The following CNBD1 variants were observed in gnomAD, a reference collection of about 807,000 sequenced individuals.
The protein encoded by CNBD1 is cyclic nucleotide-binding domain-containing protein 1.
CNBD1 carries 71 observed loss-of-function variants against 54.4 expected under a neutral mutation model. The observed-to-expected ratio is 1.30, with a 90% CI of 1.08 to 1.59. The LOEUF (loss-of-function observed/expected upper bound fraction) is 1.59. Ranked by LOEUF, CNBD1 falls within the 40% of genes most tolerant of loss-of-function variation. The probability of loss-of-function intolerance (pLI) is 0.00; values close to 1 mark genes in which losing one functional copy is unlikely to be tolerated. For synonymous variants in CNBD1, 182 were observed against 170.7 expected (o/e 1.07, Z -0.51); for missense variants, 659 against 518.0 (o/e 1.27, Z -2.64).
chr8:86,959,282 T>A (rs926203634), intron 4 of CNBD1, among the ~76,000 whole-genome samples: 1 of 152,220 alleles, frequency 6.6e-6, no homozygotes, highest in Non-Finnish European at 1.5e-5. Flanking sequence ...GCCCTTAACA[T>A]TTTTTCCTTC....
intron 8 of CNBD1, among the ~76,000 whole-genome samples, chr8:87,317,293 C>CTT (rs148624128): frequency 1.3e-5 from 2 of 150,228 alleles, no homozygotes; most frequent in African/African-American, 2.4e-5. Flanking sequence ...TGATTTGAGA[C>CTT]TTTTTTTTTA....
chr8:87,425,987 C>A (rs886198122), intron 2 of CNBD1, among the ~76,000 whole-genome samples: 1 of 152,184 alleles, frequency 6.6e-6, no homozygotes, highest in South Asian at 2.1e-4. Flanking sequence ...TGGGGCAGGA[C>A]CCTCTGAGCC....
intron 4 of CNBD1, among the ~76,000 whole-genome samples, chr8:87,051,014 G>A (rs924859058): frequency 6.6e-6 from 1 of 152,134 alleles, no homozygotes; most frequent in Admixed American, 6.6e-5. Context: ...AGTTAATATT[G>A]GTTTCCACTA....
intron 1 of CNBD1, among the ~76,000 whole-genome samples, chr8:86,873,476 A>G (rs970794647): frequency 1.3e-5 from 2 of 152,064 alleles, no homozygotes; most frequent in African/African-American, 2.4e-5. Context: ...TTCCTACTCA[A>G]TAACTGGTAT....
chr8:87,276,912 G>A (rs1808492265), intron 6 of CNBD1, among the ~76,000 whole-genome samples: 1 of 151,446 alleles, frequency 6.6e-6, no homozygotes, highest in African/African-American at 2.4e-5. Flanking sequence ...AGTCTACCAG[G>A]CAGTCAGGCC....
chr8:87,268,171 T>A (rs1808299172), intron 6 of CNBD1, among the ~76,000 whole-genome samples: 1 of 152,122 alleles, frequency 6.6e-6, no homozygotes, highest in South Asian at 2.1e-4. Flanking sequence ...GTATTCAATG[T>A]TTAGCTCCCA....
intron 6 of CNBD1, among the ~76,000 whole-genome samples, chr8:87,278,238 T>C (rs1808523917): frequency 6.6e-6 from 1 of 151,516 alleles, no homozygotes; most frequent in Non-Finnish European, 1.5e-5. Context: ...AACACAAGGA[T>C]AAATAAGAAA....
chr8:87,314,557 C>A (rs1396087839), intron 8 of CNBD1, among the ~76,000 whole-genome samples: 1 of 151,678 alleles, frequency 6.6e-6, no homozygotes, highest in Non-Finnish European at 1.5e-5. Flanking sequence ...AGCTTGCTAA[C>A]ATTTTTAACT....
intron 8 of CNBD1, among the ~76,000 whole-genome samples, chr8:87,311,280 A>T (rs924948791): frequency 6.6e-6 from 1 of 152,126 alleles, no homozygotes; most frequent in Non-Finnish European, 1.5e-5. Context: ...TCACCTAAAA[A>T]GTAGACAAAA....
chr8:87,203,595 T>C (rs1813908245), intron 4 of CNBD1, among the ~76,000 whole-genome samples: 1 of 152,212 alleles, frequency 6.6e-6, no homozygotes, highest in Non-Finnish European at 1.5e-5. Context: ...AGTTTGCCTC[T>C]TTCTAGTTAC....
chr8:86,894,199 C>A (rs1808816163), intron 2 of CNBD1, among the ~76,000 whole-genome samples: 1 of 148,516 alleles, frequency 6.7e-6, no homozygotes, highest in South Asian at 2.1e-4. Context: ...GTAGCTGGGA[C>A]TACAGGCGCC....
At chr8:87,033,089 T>C (rs895956402) in intron 4 of CNBD1, among the ~76,000 whole-genome samples, 7 of 152,216 alleles carry the variant, frequency 4.6e-5, no homozygotes, top group African/African-American at 1.7e-4. Context: ...AATTTATTGT[T>C]TCAGGCTTGA....
At chr8:86,874,282 A>G (rs1274363360) in intron 1 of CNBD1, among the ~76,000 whole-genome samples, 1 of 152,140 alleles carries the variant, frequency 6.6e-6, no homozygotes, top group Non-Finnish European at 1.5e-5. Flanking sequence ...ATACTGGGAG[A>G]CAACAAAGCA....
chr8:87,342,221 T>G, intron 8 of CNBD1, among the ~76,000 whole-genome samples: 1 of 151,142 alleles, frequency 6.6e-6, no homozygotes, highest in Middle Eastern at 3.4e-3. Flanking sequence ...TGCAGTGAGC[T>G]GAGATTGTGC....
At chr8:87,157,055 C>T (rs1165188736) in intron 4 of CNBD1, among the ~76,000 whole-genome samples, 1 of 152,084 alleles carries the variant, frequency 6.6e-6, no homozygotes, top group Non-Finnish European at 1.5e-5. Context: ...GATGCTAAAT[C>T]TTAGAACAAG....
chr8:87,252,736 G>A (rs375749945), intron 6 of CNBD1, among the ~76,000 whole-genome samples: 1 of 152,052 alleles, frequency 6.6e-6, no homozygotes, highest in Non-Finnish European at 1.5e-5. Flanking sequence ...GTCTGGTTGG[G>A]GGCTTAAAAC....
At chr8:86,936,091 A>T (rs1160201815) in intron 3 of CNBD1, among the ~76,000 whole-genome samples, 1 of 152,114 alleles carries the variant, frequency 6.6e-6, no homozygotes, top group Non-Finnish European at 1.5e-5. Context: ...GTGAGCTGAG[A>T]TCATGCCATT....
intron 2 of CNBD1, among the ~76,000 whole-genome samples, chr8:87,397,146 T>G (rs1028416243): frequency 6.6e-6 from 1 of 151,884 alleles, no homozygotes. Flanking sequence ...TCTTGCCTTA[T>G]TTTTTTATTT....
chr8:87,067,859 C>G (rs1488752492), intron 4 of CNBD1, among the ~76,000 whole-genome samples: 1 of 151,818 alleles, frequency 6.6e-6, no homozygotes, highest in Non-Finnish European at 1.5e-5. Context: ...CCTGAGAAGA[C>G]CAAAGACTAT....
Sources: allele counts gnomAD v4.1 joint callset (sites outside exome capture counted in the v4.1 genomes callset), GRCh38; gene constraint gnomAD v4.1.1; transcripts MANE v1.5; gene names NCBI Gene and HGNC (gene_info 2026-07-23, HGNC 2026-07-21).